Variants in COX5A observed in about 807,000 individuals in gnomAD.
COX5A encodes cytochrome c oxidase subunit 5A, mitochondrial.
In COX5A, 6 loss-of-function variants were observed where a neutral mutation model predicts 16.1. The observed-to-expected ratio is 0.37, with a 90% confidence interval of 0.20 to 0.73. The LOEUF is 0.73. COX5A is among the 30% of genes least tolerant of loss of function. The pLI, the probability that COX5A is intolerant of heterozygous loss-of-function variation, is 0.50. For missense variants in COX5A, 159 were observed against 194.9 expected (o/e 0.82, Z 1.10); for synonymous variants, 73 against 73.8 (o/e 0.99, Z 0.06).
intron 2 of COX5A, among the ~76,000 whole-genome samples, 164 bp downstream of exon 2, chr15:74,928,950 CTT>C (rs1238986494): frequency 6.6e-6 from 1 of 152,198 alleles, no homozygotes; most frequent in African/African-American, 2.4e-5. Flanking sequence ...TAGTGCCTGC[CTT>C]AAAATCCTGC....
chr15:74,923,877 G>A, intron 3 of COX5A, 107 bp from the exon 4 acceptor site: 2 of 708,264 alleles, frequency 2.8e-6, no homozygotes, highest in Non-Finnish European at 5.0e-6. Context: ...AGGCAGGTAG[G>A]ACAGAATAAT....
chr15:74,930,833 C>T lies in COX5A; in HGVS notation c.101-1601G>A, dbSNP rs533824253. Among the ~76,000 whole-genome samples, 119 of 150,008 alleles carry T rather than the reference C, an allele frequency of 7.9e-4. 1 individual carries two copies. The highest frequency in any genetic ancestry group is 2.6e-3 in the African/African-American group (105 of 41,092). On this transcript the variant is annotated intron_variant, in intron 1 of 4. Transcript: ENST00000322347. ...GATATCGAAACCATCCTGGCTAACA[C>T]GGTGAAACCCCGTCTCTACTAAAAA...
intron 1 of COX5A, among the ~76,000 whole-genome samples, chr15:74,930,173 A>G (rs1045486206): frequency 2.0e-5 from 3 of 152,058 alleles, no homozygotes; most frequent in Non-Finnish European, 4.4e-5. Context: ...TAATCCCAGC[A>G]CTTTGGGAGG....
At position 74,929,108 on chromosome 15, in the gene COX5A, C is replaced by G; in HGVS notation, c.217+8G>C. 6.3e-7 allele frequency: 1 copy of G among 1,574,926 alleles called. No individual in the cohort carries two copies. Among genetic ancestry groups the G allele is most frequent in the Non-Finnish European group, 8.7e-7 (1 of 1,144,592 alleles). On this transcript the variant is annotated splice_region_variant and intron_variant, in intron 2 of 4. Coordinates refer to ENST00000322347, the MANE Select transcript of COX5A (RefSeq NM_004255.4). ...CAAAATAGACAAATATGTTTATGTT[C>G]CAATTACCTTTACGCAATTCCCAGG...
intron 3 of COX5A, among the ~76,000 whole-genome samples, chr15:74,925,550 G>A (rs1043828985): frequency 1.0e-4 from 15 of 150,136 alleles, no homozygotes; most frequent in East Asian, 4.1e-4. Flanking sequence ...CCCCACGCCC[G>A]GCTAATTTTT....
intron 1 of COX5A, among the ~76,000 whole-genome samples, chr15:74,936,475 C>T (rs1221066328): frequency 6.6e-6 from 1 of 151,984 alleles, no homozygotes; most frequent in Non-Finnish European, 1.5e-5. Flanking sequence ...ATCACCTGAG[C>T]CCAGGAGTTC....
chr15:74,924,183 A>AAAACG (rs1316502512), intron 3 of COX5A, among the ~76,000 whole-genome samples: 2 of 152,122 alleles, frequency 1.3e-5, no homozygotes, highest in Non-Finnish European at 2.9e-5. Flanking sequence ...TCTATCTCAA[A>AAAACG]AAACGAAACA....
chr15:74,934,682 C>A (rs921921998), intron 1 of COX5A, among the ~76,000 whole-genome samples: 1 of 152,116 alleles, frequency 6.6e-6, no homozygotes, highest in East Asian at 1.9e-4. Context: ...AGGATCTATT[C>A]TATTAGCTAT....
At chr15:74,927,287 C>T (rs1433272053) in intron 2 of COX5A, among the ~76,000 whole-genome samples, 1 of 152,086 alleles carries the variant, frequency 6.6e-6, no homozygotes, top group Non-Finnish European at 1.5e-5. Context: ...AGTGATTCTC[C>T]TGCCTCAGCC....
intron 3 of COX5A, among the ~76,000 whole-genome samples, chr15:74,924,304 C>T (rs2065333999): frequency 6.6e-6 from 1 of 151,236 alleles, no homozygotes; most frequent in South Asian, 2.1e-4. Context: ...TTTGGGAGGC[C>T]AAGGCGGGTG....
chr15:74,923,279 C>A (rs1436742696), intron 4 of COX5A, among the ~76,000 whole-genome samples: 1 of 151,860 alleles, frequency 6.6e-6, no homozygotes. Context: ...CAAAAATTAG[C>A]CAGTTGTGGT....
intron 1 of COX5A, among the ~76,000 whole-genome samples, chr15:74,935,545 G>A (rs2065385401): frequency 6.6e-6 from 1 of 151,232 alleles, no homozygotes; most frequent in African/African-American, 2.4e-5. Flanking sequence ...AGGCTGCAGT[G>A]AGCTGTGATG....
At chr15:74,933,142 G>A (rs1468574574) in intron 1 of COX5A, among the ~76,000 whole-genome samples, 1 of 139,642 alleles carries the variant, frequency 7.2e-6, no homozygotes, top group African/African-American at 2.7e-5. Flanking sequence ...GGCCAGGTGC[G>A]GTGGCTCACA....
intron 3 of COX5A, among the ~76,000 whole-genome samples, 169 bp downstream of exon 3, chr15:74,926,597 T>C (rs979493620): frequency 2.8e-4 from 42 of 152,176 alleles, no homozygotes; most frequent in South Asian, 6.2e-4. Flanking sequence ...CTTGAATAAA[T>C]GCTGCCAAAG....
chr15:74,933,426 TC>T (rs2065375673), intron 1 of COX5A, among the ~76,000 whole-genome samples: 1 of 71,616 alleles, frequency 1.4e-5, no homozygotes, highest in African/African-American at 6.9e-5. Flanking sequence ...AAAATATCTA[TC>T]TATCTATCTA....
At chr15:74,921,536 C>G (rs1188581296) in intron 4 of COX5A, among the ~76,000 whole-genome samples, 1 of 151,902 alleles carries the variant, frequency 6.6e-6, no homozygotes, top group South Asian at 2.1e-4. Flanking sequence ...TCAAGACCAG[C>G]CTGGCCAACA....
intron 4 of COX5A, among the ~76,000 whole-genome samples, chr15:74,921,023 A>G (rs892069923): frequency 6.6e-6 from 1 of 152,168 alleles, no homozygotes; most frequent in Admixed American, 6.6e-5. Flanking sequence ...TAGCTAGAAT[A>G]TATCCTACAT....
At chr15:74,922,944 T>TG (rs941955605) in intron 4 of COX5A, among the ~76,000 whole-genome samples, 43 of 151,922 alleles carry the variant, frequency 2.8e-4, no homozygotes, top group Non-Finnish European at 5.3e-4. Context: ...CGTGAGCCAC[T>TG]GTGCCCAGCC....
chr15:74,936,621 TC>T (rs1444586461), intron 1 of COX5A, among the ~76,000 whole-genome samples: 1 of 145,068 alleles, frequency 6.9e-6, no homozygotes, highest in Non-Finnish European at 1.5e-5. Context: ...CAAAACATAT[TC>T]TTTTTTTTTT....
Sources: allele counts gnomAD v4.1 joint callset (sites outside exome capture counted in the v4.1 genomes callset), GRCh38; gene constraint gnomAD v4.1.1; transcripts MANE v1.5; gene names NCBI Gene and HGNC (gene_info 2026-07-23, HGNC 2026-07-21).